BBS9: variants seen among roughly 807,000 people sequenced by gnomAD.
The protein encoded by BBS9 is Bardet-Biedl syndrome 9, also known as protein PTHB1.
Under a neutral mutation model 117.7 loss-of-function variants are expected in BBS9, and 89 were observed. That is an observed-to-expected ratio of 0.76 (90% confidence interval 0.64 to 0.90). The LOEUF (loss-of-function observed/expected upper bound fraction) is 0.90. Among genes scored for constraint, BBS9 ranks in the 40% least tolerant of loss-of-function variants. The pLI is 0.00. For synonymous variants in BBS9, 379 were observed against 370.9 expected (o/e 1.02, Z -0.25); for missense variants, 982 against 1,042.2 (o/e 0.94, Z 0.80).
intron 5 of BBS9, among the ~76,000 whole-genome samples, chr7:33,239,581 T>A (rs541965970): frequency 2.6e-4 from 39 of 152,304 alleles, no homozygotes; most frequent in African/African-American, 8.9e-4. Context: ...CAACTTTGCC[T>A]AATCATACAG....
chr7:33,589,033 G>A (rs781458131), intron 21 of BBS9, among the ~76,000 whole-genome samples: 1 of 152,102 alleles, frequency 6.6e-6, no homozygotes, highest in Non-Finnish European at 1.5e-5. Context: ...AAACGATCAC[G>A]GGTTACTCTT....
At chr7:33,217,690 A>T (rs1023363642) in intron 5 of BBS9, among the ~76,000 whole-genome samples, 1 of 152,264 alleles carries the variant, frequency 6.6e-6, no homozygotes, top group African/African-American at 2.4e-5. Context: ...TTTAAAAGAA[A>T]CACTTGCTAG....
chr7:33,472,856 CA>C (rs962082869), intron 19 of BBS9, among the ~76,000 whole-genome samples: 1 of 152,202 alleles, frequency 6.6e-6, no homozygotes, highest in African/African-American at 2.4e-5. Context: ...TAAACATTGT[CA>C]ACAGTGTCAG....
At chr7:33,630,318 T>C (rs1338307986) in intron 21 of BBS9, among the ~76,000 whole-genome samples, 3 of 152,174 alleles carry the variant, frequency 2.0e-5, no homozygotes, top group African/African-American at 7.2e-5. Context: ...GCGAAAAGCA[T>C]GTAAGAGAAA....
chr7:33,494,282 A>G (rs1844422617), intron 19 of BBS9, among the ~76,000 whole-genome samples: 1 of 152,144 alleles, frequency 6.6e-6, no homozygotes, highest in Non-Finnish European at 1.5e-5. Context: ...AGCCCCAACA[A>G]CAACAAATTA....
chr7:33,155,791 T>A, intron 4 of BBS9, 89 bp downstream of exon 4: 1 of 729,992 alleles, frequency 1.4e-6, no homozygotes, highest in Non-Finnish European at 2.3e-6. Flanking sequence ...GCTGACTTGG[T>A]AGAGAACACA....
intron 19 of BBS9, among the ~76,000 whole-genome samples, chr7:33,448,768 C>G (rs140495801): frequency 6.6e-6 from 1 of 152,174 alleles, no homozygotes; most frequent in African/African-American, 2.4e-5. Context: ...GTTCCCTGAG[C>G]AGTAACCATG....
At chr7:33,541,882 A>G (rs1023639985) in intron 21 of BBS9, among the ~76,000 whole-genome samples, 1 of 152,202 alleles carries the variant, frequency 6.6e-6, no homozygotes, top group African/African-American at 2.4e-5. Flanking sequence ...TGGTGATATG[A>G]CTATACTAAA....
chr7:33,563,361 C>A (rs1329106022), intron 21 of BBS9, among the ~76,000 whole-genome samples: 1 of 142,050 alleles, frequency 7.0e-6, no homozygotes, highest in South Asian at 2.2e-4. Context: ...TGTTTTGTTT[C>A]ACAAACAACT....
At chr7:33,231,886 G>A (rs984972042) in intron 5 of BBS9, among the ~76,000 whole-genome samples, 1 of 151,932 alleles carries the variant, frequency 6.6e-6, no homozygotes, top group Non-Finnish European at 1.5e-5. Context: ...ATGCCATTAT[G>A]GGATAAATAG....
intron 19 of BBS9, among the ~76,000 whole-genome samples, chr7:33,439,431 T>C (rs1835802726): frequency 6.6e-6 from 1 of 152,176 alleles, no homozygotes. Flanking sequence ...CATAGATTTC[T>C]ACATTTCTCT....
At chr7:33,218,477 T>G (rs1789499000) in intron 5 of BBS9, among the ~76,000 whole-genome samples, 1 of 152,202 alleles carries the variant, frequency 6.6e-6, no homozygotes, top group South Asian at 2.1e-4. Context: ...TTTTGTAAAT[T>G]TAGGGTATTA....
At chr7:33,205,287 G>C (rs1786686032) in intron 5 of BBS9, among the ~76,000 whole-genome samples, 1 of 152,104 alleles carries the variant, frequency 6.6e-6, no homozygotes, top group African/African-American at 2.4e-5. Context: ...TTTTCACAGT[G>C]CTTGTTCATT....
At position 33,231,428 on chromosome 7, in the gene BBS9, C is replaced by CTTTT. The variant is rs35407590; in HGVS notation, c.443-25794_443-25791dup. Among the ~76,000 whole-genome samples the CTTTT allele has an allele frequency of 5.6e-3, 600 of 106,362 alleles. 22 individuals carry two copies. The highest frequency in any genetic ancestry group is 0.012 in the South Asian group (36 of 2,936). The allele number at this position is 106,362 out of a possible 152,430, so 69.8% of individuals were successfully genotyped here. ...TATTCTGTTCCTCTGGCCTATGTGT[C>CTTTT]TTTTTTTTTTTTTTTTTGCCAGGAC... On this transcript the variant is annotated intron_variant, in intron 5 of 22. Coordinates refer to ENST00000242067, the MANE Select transcript of BBS9 (RefSeq NM_198428.3).
chr7:33,453,520 CTT>C lies in BBS9; in HGVS notation c.2116-51928_2116-51927del, dbSNP rs554285058. On this transcript the variant is annotated intron_variant, in intron 19 of 22. Transcript: ENST00000242067. ...GAACAGTATTTTCTCTTCCTTGTGA[CTT>C]TTTTTTTTTTTTTTCTGAGATGGAG... Among the ~76,000 whole-genome samples the C allele has an allele frequency of 6.3e-5, 9 of 141,800 alleles. No individual in the cohort carries two copies. In the South Asian group the frequency reaches 6.7e-4, roughly 11 times the overall value. The allele number at this position is 141,800 out of a possible 152,430, so 93.0% of individuals were successfully genotyped here.
At chr7:33,573,496 C>T (rs1303458657) in intron 21 of BBS9, among the ~76,000 whole-genome samples, 4 of 152,042 alleles carry the variant, frequency 2.6e-5, no homozygotes, top group Non-Finnish European at 5.9e-5. Flanking sequence ...CTTTCTTATT[C>T]TTGTCTAAGC....
chr7:33,391,823 T>G (rs1334668828), intron 19 of BBS9, among the ~76,000 whole-genome samples: 1 of 152,202 alleles, frequency 6.6e-6, no homozygotes, highest in Non-Finnish European at 1.5e-5. Flanking sequence ...ATAAAAAAGT[T>G]TTACCAATTT....
intron 21 of BBS9, among the ~76,000 whole-genome samples, chr7:33,591,475 G>A (rs1861908093): frequency 6.6e-6 from 1 of 152,034 alleles, no homozygotes; most frequent in Non-Finnish European, 1.5e-5. Context: ...GTGAGCAGTT[G>A]CCACTGAATC....
chr7:33,412,850 A>G (rs1831379024), intron 19 of BBS9, among the ~76,000 whole-genome samples: 1 of 152,218 alleles, frequency 6.6e-6, no homozygotes, highest in East Asian at 1.9e-4. Flanking sequence ...TAGAAGTGAC[A>G]TTATAAAGTA....
Sources: gnomAD v4.1 joint callset for allele counts (sites outside exome capture counted in the v4.1 genomes callset) on GRCh38, gnomAD v4.1.1 for gene constraint, MANE v1.5 for transcripts, NCBI Gene and HGNC (gene_info 2026-07-23, HGNC 2026-07-21) for gene names.